DNAJC13: variants seen among roughly 807,000 people sequenced by gnomAD.
DNAJC13 encodes dnaJ homolog subfamily C member 13.
Under a neutral mutation model 290.5 loss-of-function variants are expected in DNAJC13, and 75 were observed. The ratio of observed to expected loss-of-function variants is 0.26; its 90% CI spans 0.21 to 0.31. DNAJC13 has a LOEUF of 0.31. Ranked by LOEUF, DNAJC13 falls within the 10% of genes least tolerant of loss-of-function variation. The probability of loss-of-function intolerance (pLI) is 1.00; values close to 1 mark genes in which losing one functional copy is unlikely to be tolerated. For synonymous variants in DNAJC13, 862 were observed against 892.0 expected, an observed-to-expected ratio of 0.97 and a Z score of 0.60; for missense variants, 2,260 against 2,674.5, an observed-to-expected ratio of 0.85 and a Z score of 3.42.
chr3:132,459,698 A>G (rs546132918), intron 13 of DNAJC13, among the ~76,000 whole-genome samples: 4 of 152,218 alleles, frequency 2.6e-5, no homozygotes, highest in African/African-American at 9.6e-5. Flanking sequence ...TCATCTAAGC[A>G]TCATAGTAAT....
chr3:132,480,597 A>G, intron 26 of DNAJC13, 127 bp downstream of exon 26: 1 of 630,456 alleles, frequency 1.6e-6, no homozygotes, highest in Non-Finnish European at 2.7e-6. Flanking sequence ...CAGTAGTACT[A>G]GTTCTGAGAT....
In DNAJC13 at chr3:132,475,051, C is replaced by A; in HGVS notation, c.2411C>A (p.Ala804Glu). 6.2e-7 allele frequency: 1 copy of A among 1,609,176 alleles called. No individual in the cohort carries two copies. Among genetic ancestry groups the A allele is most frequent in the Non-Finnish European group, 8.5e-7 (1 of 1,177,622 alleles). Residue 804 changes from alanine to glutamate, a missense_variant, in exon 22 of 56, where the codon GCA (alanine) becomes GAA (glutamate). Ala to Glu is a moderately radical substitution (Grantham distance 107, BLOSUM62 -1). Transcript: ENST00000260818. ...AATATTGACAGAGAACTTGGAAGTG[C>A]AAATGTGATCTCCTGGAACCACCAT... ...AFNIDRELGS[A>E]NVISWNHHEF...
intron 44 of DNAJC13, 115 bp from the exon 45 acceptor site, chr3:132,512,893 G>C (rs1935820389): frequency 7.1e-6 from 6 of 844,334 alleles, no homozygotes; most frequent in Non-Finnish European, 3.8e-6. Context: ...CAGATGTTTA[G>C]AACCAGTTAT....
chr3:132,432,266 G>A (rs951712058), intron 1 of DNAJC13, among the ~76,000 whole-genome samples: 2 of 151,734 alleles, frequency 1.3e-5, no homozygotes, highest in Admixed American at 6.6e-5. Context: ...GCGGTGGTGC[G>A]ATCTCGGCTC....
In DNAJC13 at chr3:132,450,821, A is replaced by G. The variant is rs376841896; in HGVS notation, c.511A>G (p.Ile171Val). The change falls in exon 6 of 56, where the codon ATA (isoleucine) becomes GTA (valine). Residue 171 changes from isoleucine (I) to valine (V), a missense_variant. By Grantham distance (29) the Ile-to-Val change is conservative (BLOSUM62 3). This residue lies in a region of DNAJC13 where 762 missense variants were observed against 964.1 expected (regional missense o/e 0.79). Transcript: ENST00000260818. ...DLSDYQGGFC[I>V]LYGGFSRLHL... is the part of the protein sequence containing the mutation. ...CTCAGATTATCAAGGAGGATTTTGT[A>G]TACTTTATGGAGGATTTAGTAGATT... The G allele has an allele frequency of 3.6e-5, 58 of 1,591,250 alleles. 1 individual carries two copies. The highest frequency in any genetic ancestry group is 1.8e-4 in the South Asian group (16 of 89,788).
intron 37 of DNAJC13, 107 bp downstream of exon 37, chr3:132,499,417 C>T: frequency 1.0e-6 from 1 of 957,222 alleles, no homozygotes; most frequent in Non-Finnish European, 1.5e-6. Context: ...TAATTTATTT[C>T]AGCAGATAAC....
At chr3:132,500,746 T>A (rs747914431) in intron 38 of DNAJC13, 48 bp from the exon 39 acceptor site, 1 of 1,606,518 alleles carries the variant, frequency 6.2e-7, no homozygotes, top group South Asian at 1.1e-5. Context: ...AAATAAGGAA[T>A]GCCTATGTGA....
rs79734612 is a variant in DNAJC13 at position 132,502,298 on chromosome 3, C to T, written c.4546C>T (p.Arg1516Cys). 1,411 of 1,612,094 alleles carry T rather than the reference C, an allele frequency of 8.8e-4. 10 individuals are homozygous for T. The African/African-American group carries it at 0.015, about 17-fold the overall frequency. ...RVLYFGKSIP[R>C]VAALGVECVS... The stretch of plus-strand genomic sequence containing the variant: ...ATTTTTATTCTCTCAGAGTATTCCC[C>T]GCGTAGCTGCTCTTGGGGTAGAATG... The change falls in exon 40 of 56, where the codon CGC (arginine) becomes TGC (cysteine). Residue 1516 changes from arginine to cysteine, a missense_variant. Arg to Cys is a radical substitution (Grantham distance 180). Transcript: ENST00000260818.
chr3:132,532,356 T>C (rs974141263), intron 55 of DNAJC13, among the ~76,000 whole-genome samples: 1 of 152,206 alleles, frequency 6.6e-6, no homozygotes, highest in Non-Finnish European at 1.5e-5. Flanking sequence ...GACACTTTTT[T>C]TTCTTCACCA....
chr3:132,455,561 C>T (rs1393443835), intron 9 of DNAJC13, among the ~76,000 whole-genome samples: 1 of 151,858 alleles, frequency 6.6e-6, no homozygotes, highest in African/African-American at 2.4e-5. Context: ...TTACTCATAG[C>T]CAAAAACAGA....
chr3:132,499,669 C>T (rs1935350125), intron 37 of DNAJC13, 65 bp from the exon 38 acceptor site: 2 of 1,328,098 alleles, frequency 1.5e-6, no homozygotes, highest in Non-Finnish European at 2.1e-6. Flanking sequence ...TTTATTACTG[C>T]TAGAAAAGGC....
At chr3:132,518,376 A>G (rs1935986132) in intron 48 of DNAJC13, among the ~76,000 whole-genome samples, 1 of 152,210 alleles carries the variant, frequency 6.6e-6, no homozygotes, top group South Asian at 2.1e-4. Flanking sequence ...TTTTGAGACA[A>G]GGTCTGGCTC....
intron 51 of DNAJC13, among the ~76,000 whole-genome samples, chr3:132,524,445 A>G (rs1053375808): frequency 6.6e-6 from 1 of 151,974 alleles, no homozygotes; most frequent in Non-Finnish European, 1.5e-5. Context: ...GTACCTCATG[A>G]CTCTGCCTCA....
intron 34 of DNAJC13, 101 bp downstream of exon 34, chr3:132,494,360 C>A: frequency 2.1e-6 from 2 of 950,186 alleles, no homozygotes; most frequent in Non-Finnish European, 1.7e-6. Context: ...AATCTTTTGC[C>A]TATACTTTGA....
At chr3:132,532,947 C>T (rs1182932472) in intron 55 of DNAJC13, among the ~76,000 whole-genome samples, 5 of 80,342 alleles carry the variant, frequency 6.2e-5, no homozygotes, top group African/African-American at 1.6e-4. Context: ...TTAGTAGAGA[C>T]GGAATTTTGC....
chr3:132,469,963 C>CT (rs61726289), intron 20 of DNAJC13, among the ~76,000 whole-genome samples: 3,233 of 60,668 alleles, frequency 0.053, 309 homozygotes, highest in Non-Finnish European at 0.08. Flanking sequence ...AGCAGAGATT[C>CT]TTTTTTTTTT....
chr3:132,499,862 C>A, intron 38 of DNAJC13, 54 bp downstream of exon 38: 1 of 1,486,880 alleles, frequency 6.7e-7, no homozygotes, highest in Non-Finnish European at 9.3e-7. Flanking sequence ...ATGGTTCAGA[C>A]TTTAACATAT....
intron 5 of DNAJC13, among the ~76,000 whole-genome samples, chr3:132,449,607 T>C (rs1933359931): frequency 1.3e-5 from 2 of 152,204 alleles, no homozygotes; most frequent in South Asian, 4.1e-4. Context: ...AGACTTGATG[T>C]CCTGTGAAAG....
intron 26 of DNAJC13, 97 bp downstream of exon 26, chr3:132,480,567 A>G (rs576128526): frequency 1.1e-6 from 1 of 906,244 alleles, no homozygotes; most frequent in East Asian, 2.6e-5. Context: ...GTGGTCACAC[A>G]CTTATTTTTC....
Sources: allele counts gnomAD v4.1 joint callset (sites outside exome capture counted in the v4.1 genomes callset), GRCh38; gene constraint gnomAD v4.1.1; regional missense constraint gnomAD v4.1.1; transcripts MANE v1.5; gene names NCBI Gene and HGNC (gene_info 2026-07-23, HGNC 2026-07-21).